Variants in KLRG1 observed in about 807,000 individuals in gnomAD.
KLRG1 encodes the protein killer cell lectin like receptor G1, also known as killer cell lectin-like receptor subfamily G member 1.
Under a neutral mutation model 21.8 loss-of-function variants are expected in KLRG1, and 16 were observed. That is an observed-to-expected ratio of 0.73 (90% CI 0.50 to 1.11). The LOEUF (loss-of-function observed/expected upper bound fraction) is 1.11, where lower values mean the gene tolerates loss of function less well. Among genes scored for constraint, KLRG1 ranks in the 50% most tolerant of loss-of-function variants. KLRG1 has a pLI of 0.00. For missense variants in KLRG1, 173 were observed against 218.3 expected (o/e 0.79, Z 1.31); for synonymous variants, 69 against 75.9 (o/e 0.91, Z 0.47).
the KLRG1 span, chr12:9,104,254 G>A: frequency 6.2e-7 from 1 of 1,612,146 alleles, no homozygotes; most frequent in South Asian, 1.1e-5. Context: ...CAGTAAGAGA[G>A]GTACCCATAA....
At chr12:9,187,517 A>C in the KLRG1 span, among the ~76,000 whole-genome samples, 1 of 152,222 alleles carries the variant, frequency 6.6e-6, no homozygotes. Flanking sequence ...AGAATTCAAT[A>C]AGAAGAAAAT....
rs184003085 is a variant in KLRG1, at chr12:8,999,175, T to G, written c.357+3887T>G. Among the ~76,000 whole-genome samples the G allele has an allele frequency of 2.5e-3, 375 of 152,336 alleles. 2 individuals are homozygous for G. Among genetic ancestry groups the G allele is most frequent in the African/African-American group, 8.5e-3 (354 of 41,572 alleles). ...CCCTTGCTTCTTCTTGCCCTATGAG[T>G]ATATCTTTAGATGTTTGGATATATT... On this transcript the variant is annotated intron_variant, in intron 3 of 4. Transcript: ENST00000356986.
At chr12:9,015,154 G>A (rs1027222612), downstream of KLRG1, among the ~76,000 whole-genome samples, 1 of 152,082 alleles carries the variant, frequency 6.6e-6, no homozygotes, top group Admixed American at 6.6e-5. Flanking sequence ...GCAGGAGTAT[G>A]TTTTATCAAT....
chr12:9,091,551 A>C, the KLRG1 span: 13 of 952,106 alleles, frequency 1.4e-5, no homozygotes, highest in Admixed American at 2.6e-5. Context: ...AATACCAATA[A>C]TGGAGAGTAT....
At chr12:9,141,471 G>GT in the KLRG1 span, among the ~76,000 whole-genome samples, 1 of 152,250 alleles carries the variant, frequency 6.6e-6, no homozygotes, top group Non-Finnish European at 1.5e-5. Flanking sequence ...GAGCAGGTTA[G>GT]TGCTTTAAGA....
chr12:8,989,625 C>T lies in KLRG1; in HGVS notation c.-11C>T. ...ACTCTCTCAACTGCATGTGAAAGAT[C>T]TTAGCTGAAGATGACTGACAGTGTT... is the stretch of plus-strand genomic sequence containing the variant. On this transcript the variant is annotated 5_prime_UTR_variant, in exon 1 of 5. Transcript: ENST00000356986. The T allele has an allele frequency of 6.3e-7, 1 of 1,579,670 alleles. No individual in the cohort carries two copies. The highest frequency in any genetic ancestry group is 1.3e-5 in the African/African-American group (1 of 74,392).
the KLRG1 span, among the ~76,000 whole-genome samples, chr12:9,093,203 G>A: frequency 6.6e-6 from 1 of 152,150 alleles, no homozygotes; most frequent in African/African-American, 2.4e-5. Flanking sequence ...TACTGTATTG[G>A]ATACTGAAAC....
chr12:8,970,944 C>T (rs1269531025), intron 1 of KLRG1: 2 of 152,056 alleles, frequency 1.3e-5, no homozygotes, highest in Non-Finnish European at 2.9e-5. Context: ...CAACATTGTA[C>T]ATTTCTGGGA....
the KLRG1 span, among the ~76,000 whole-genome samples, chr12:9,179,053 G>A: frequency 6.6e-6 from 1 of 152,148 alleles, no homozygotes; most frequent in Non-Finnish European, 1.5e-5. Context: ...TGATTCATGA[G>A]GGAGTTAAAG....
At chr12:8,953,058 G>A (rs923478924) in intron 1 of KLRG1, among the ~76,000 whole-genome samples, 5 of 92,984 alleles carry the variant, frequency 5.4e-5, no homozygotes, top group Non-Finnish European at 1.1e-4. Context: ...CCCCCCCCCC[G>A]CAAAACCCCC....
At chr12:9,211,344 C>T in the KLRG1 span, among the ~76,000 whole-genome samples, 22 of 151,842 alleles carry the variant, frequency 1.4e-4, no homozygotes, top group Non-Finnish European at 2.2e-4. Flanking sequence ...GACCTGTCTT[C>T]AAGTTACTAA....
At chr12:9,036,755 TTGTGA>T in the KLRG1 span, 2 of 378,754 alleles carry the variant, frequency 5.3e-6, no homozygotes, top group Non-Finnish European at 1.0e-5. Context: ...TAAACCTTGC[TTGTGA>T]TGTTAATTTT....
At chr12:9,202,706 A>G in the KLRG1 span, 1 of 1,608,616 alleles carries the variant, frequency 6.2e-7, no homozygotes, top group Non-Finnish European at 8.5e-7. Context: ...AGGATTTTTT[A>G]CTACTGAGGA....
At chr12:9,167,460 G>A in the KLRG1 span, 1 of 152,164 alleles carries the variant, frequency 6.6e-6, no homozygotes, top group Admixed American at 6.5e-5. Context: ...AGATCCTTGG[G>A]AGAAATGTGA....
the KLRG1 span, among the ~76,000 whole-genome samples, chr12:9,110,990 T>A: frequency 6.6e-6 from 1 of 152,168 alleles, no homozygotes; most frequent in African/African-American, 2.4e-5. Flanking sequence ...AAATAAACAC[T>A]TATGTAACTA....
chr12:8,974,922 G>A (rs1202408148), intron 1 of KLRG1, among the ~76,000 whole-genome samples: 1 of 151,070 alleles, frequency 6.6e-6, no homozygotes, highest in Non-Finnish European at 1.5e-5. Flanking sequence ...TTGAGACAGA[G>A]TCTTGCTCTG....
intron 1 of KLRG1, among the ~76,000 whole-genome samples, chr12:8,952,040 G>C (rs1946213546): frequency 6.6e-6 from 1 of 152,172 alleles, no homozygotes; most frequent in South Asian, 2.1e-4. Flanking sequence ...TGAGCTCAAG[G>C]TTCTTGCTGG....
the KLRG1 span, among the ~76,000 whole-genome samples, chr12:9,180,799 T>C: frequency 6.6e-6 from 1 of 152,206 alleles, no homozygotes; most frequent in Admixed American, 6.5e-5. Flanking sequence ...AATTGACAAA[T>C]GGGATCTAAT....
chr12:9,204,054 T>C, the KLRG1 span: 1 of 1,183,034 alleles, frequency 8.5e-7, no homozygotes, highest in South Asian at 1.6e-5. Flanking sequence ...GTGCAATCAG[T>C]TTTATTCTAA....
Sources: allele counts gnomAD v4.1 joint callset (sites outside exome capture counted in the v4.1 genomes callset), GRCh38; gene constraint gnomAD v4.1.1; transcripts MANE v1.5; gene names NCBI Gene and HGNC (gene_info 2026-07-23, HGNC 2026-07-21).